The following CSMD2 variants were observed in gnomAD, a reference collection of about 807,000 sequenced individuals.
CSMD2 encodes the protein CUB and sushi domain-containing protein 2.
In CSMD2, 130 loss-of-function variants were observed where a neutral mutation model predicts 398.5. The ratio of observed to expected loss-of-function variants is 0.33; its 90% CI spans 0.28 to 0.38. CSMD2 has a LOEUF of 0.38. Among genes scored for constraint, CSMD2 ranks in the 10% least tolerant of loss-of-function variants. The pLI is 1.00. For synonymous variants in CSMD2, 1,828 were observed against 1,908.5 expected, an observed-to-expected ratio of 0.96 and a Z score of 1.10; for missense variants, 3,829 against 4,764.9, an observed-to-expected ratio of 0.80 and a Z score of 5.78.
chr1:33,564,719 T>C (rs1658892136), intron 53 of CSMD2, among the ~76,000 whole-genome samples: 2 of 152,214 alleles, frequency 1.3e-5, no homozygotes, highest in Admixed American at 6.5e-5. Flanking sequence ...TTGCTTTCTG[T>C]AACCCTTAAG....
At chr1:34,100,818 A>C (rs1659867126) in intron 1 of CSMD2, among the ~76,000 whole-genome samples, 1 of 152,242 alleles carries the variant, frequency 6.6e-6, no homozygotes, top group Non-Finnish European at 1.5e-5. Context: ...TGGTCAATGC[A>C]GTGGAAAATG....
chr1:33,537,217 A>C lies in CSMD2; in HGVS notation c.9806-122T>G. 8.4e-7 allele frequency: 1 copy of C among 1,190,352 alleles called. No homozygotes were observed. Among genetic ancestry groups the C allele is most frequent in the Non-Finnish European group, 1.2e-6 (1 of 815,550 alleles). 73.7% of individuals were successfully genotyped at this position (1,190,352 alleles called of 1,614,324 possible). A position where few individuals can be genotyped will look rare whatever the true frequency, so the allele number is the denominator to read the frequency against. ...CACATCCTGACTTCCCTGCCCACTG[A>C]GATCCCCACCTGAGCCTTGGCCCTG... is the stretch of plus-strand genomic sequence containing the variant. On this transcript the variant is annotated intron_variant, in intron 61 of 70. Coordinates refer to ENST00000373381, the MANE Select transcript of CSMD2 (RefSeq NM_001281956.2). The surrounding 1 kb of genome is among the most constrained non-coding windows in gnomAD (Gnocchi z 4.6).
At chr1:33,599,492 T>C (rs970542568) in intron 44 of CSMD2, 2 of 152,288 alleles carry the variant, frequency 1.3e-5, no homozygotes, top group Non-Finnish European at 2.9e-5. Flanking sequence ...GGTACTTATA[T>C]GATTCCTATT....
chr1:33,872,025 C>G (rs745431970), intron 5 of CSMD2, among the ~76,000 whole-genome samples: 1 of 152,188 alleles, frequency 6.6e-6, no homozygotes, highest in Non-Finnish European at 1.5e-5. Context: ...TAAGTCCCCA[C>G]CTTTCAACAC....
At chr1:33,652,900 G>A (rs1055891624) in intron 27 of CSMD2, among the ~76,000 whole-genome samples, 3 of 152,000 alleles carry the variant, frequency 2.0e-5, no homozygotes, top group Admixed American at 6.6e-5. Context: ...GACTACAGGC[G>A]CCCGCCACCA....
chr1:34,093,266 A>G (rs1261899006), intron 1 of CSMD2, among the ~76,000 whole-genome samples: 1 of 152,238 alleles, frequency 6.6e-6, no homozygotes, highest in Non-Finnish European at 1.5e-5. Context: ...GTACATCGCC[A>G]TCATCAAAGA....
chr1:34,079,013 T>A (rs1558346455), intron 2 of CSMD2, among the ~76,000 whole-genome samples: 1 of 152,202 alleles, frequency 6.6e-6, no homozygotes, highest in Non-Finnish European at 1.5e-5. Flanking sequence ...TCCAGACTAC[T>A]GCTGTCTCTT....
intron 13 of CSMD2, among the ~76,000 whole-genome samples, chr1:33,770,945 G>C (rs77515391): frequency 0.024 from 3,633 of 152,262 alleles, 164 homozygotes; most frequent in African/African-American, 0.084. Flanking sequence ...CTGCTCCTAA[G>C]AGCCAAAGGG....
chr1:34,072,223 T>C (rs1400167154), intron 2 of CSMD2, among the ~76,000 whole-genome samples: 1 of 152,196 alleles, frequency 6.6e-6, no homozygotes, highest in East Asian at 1.9e-4. Flanking sequence ...ATTGATTTAG[T>C]TTTAGATTTA....
intron 6 of CSMD2, among the ~76,000 whole-genome samples, chr1:33,832,449 C>T (rs7365247): frequency 1.5e-5 from 2 of 136,024 alleles, no homozygotes; most frequent in Non-Finnish European, 3.1e-5. Context: ...TCTTTGAAAC[C>T]AAGGAGAACA....
intron 3 of CSMD2, among the ~76,000 whole-genome samples, chr1:33,985,946 A>T (rs934191410): frequency 2.6e-5 from 4 of 152,080 alleles, no homozygotes; most frequent in Non-Finnish European, 5.9e-5. Flanking sequence ...CTCTGCTCTG[A>T]GCTGTTTCCC....
rs757561880 is a variant in CSMD2, at chr1:33,633,473, C to T, written c.5149G>A (p.Gly1717Ser). The change falls in exon 32 of 71, where the codon GGC becomes AGC. Residue 1717 changes from glycine (G) to serine (S), a missense_variant. Coordinates refer to ENST00000373381, the MANE Select transcript of CSMD2 (RefSeq NM_001281956.2). This position sits in a 1 kb window ranked among gnomAD's most constrained non-coding sequence, Gnocchi z 5.0. ...ALNDVVEVHDGHSQHSRLLSS... is the reference protein window; with the variant it reads ...ALNDVVEVHDSHSQHSRLLSS... ...AGGAGCCGCGAGTGCTGGCTGTGGC[C>T]GTCGTGAACCTCCACCACGTCGTTG... 7 of 1,554,514 alleles carry T rather than the reference C, an allele frequency of 4.5e-6. No homozygotes were observed. Among genetic ancestry groups the T allele is most frequent in the African/African-American group, 1.4e-5 (1 of 73,282 alleles).
intron 3 of CSMD2, among the ~76,000 whole-genome samples, chr1:34,013,959 G>T (rs756578593): frequency 1.3e-5 from 2 of 152,016 alleles, no homozygotes; most frequent in Non-Finnish European, 2.9e-5. Context: ...CCTGATCTCC[G>T]CACCCCAAAC....
At chr1:33,705,720 C>T (rs1293069381) in intron 22 of CSMD2, among the ~76,000 whole-genome samples, 1 of 151,228 alleles carries the variant, frequency 6.6e-6, no homozygotes. Flanking sequence ...GATTTCTTGG[C>T]TTACAGTTGT....
Position 34,128,453 on chromosome 1 carries a change from A to T in CSMD2, c.187+36458T>A, listed in dbSNP as rs371066679. On this transcript the variant is annotated intron_variant, in intron 1 of 70. Transcript: ENST00000373381. The stretch of plus-strand genomic sequence containing the variant: ...CTTCCTCCTCCCTGAGAAAGCACAG[A>T]CAGACAGTGAGGGCTCCAAGCCAGC... Among the ~76,000 whole-genome samples, 60 of 150,138 alleles carry T rather than the reference A, an allele frequency of 4.0e-4. No homozygotes were observed. The South Asian group carries it at 0.012, about 30-fold the overall frequency.
In CSMD2 at chr1:33,833,660, G is replaced by C. The variant is rs561031634; in HGVS notation, c.1034-7886C>G. On this transcript the variant is annotated intron_variant, in intron 6 of 70. Transcript: ENST00000373381. ...TTGGAAGTTCTGGCCAGGGCAATCA[G>C]GCAGGAGAAGGAAATAAAGGGTATT... is the stretch of plus-strand genomic sequence containing the variant. Among the ~76,000 whole-genome samples, 29 of 150,752 alleles carry C rather than the reference G, an allele frequency of 1.9e-4. 1 individual carries two copies. In the South Asian group the frequency reaches 6.3e-3, roughly 32 times the overall value.
At chr1:33,708,214 C>A (rs534335036) in intron 22 of CSMD2, among the ~76,000 whole-genome samples, 2 of 152,272 alleles carry the variant, frequency 1.3e-5, no homozygotes, top group East Asian at 1.9e-4. Context: ...CAAGTCCTAT[C>A]ATTTCCTTCC....
At chr1:33,785,713 G>A (rs11807571) in intron 12 of CSMD2, among the ~76,000 whole-genome samples, 2,103 of 152,294 alleles carry the variant, frequency 0.014, 63 homozygotes, top group African/African-American at 0.048. Context: ...GAGGTCCCTG[G>A]AGGGTACCGC....
upstream of CSMD2, chr1:34,165,611 C>T: frequency 1.3e-6 from 1 of 775,456 alleles, no homozygotes; most frequent in Non-Finnish European, 2.2e-6. Context: ...CACACACACA[C>T]ACACACAGTG....
Sources: allele counts gnomAD v4.1 joint callset (sites outside exome capture counted in the v4.1 genomes callset), GRCh38; gene constraint gnomAD v4.1.1; non-coding constraint Gnocchi (gnomAD v3.1); transcripts MANE v1.5; gene names NCBI Gene and HGNC (gene_info 2026-07-23, HGNC 2026-07-21).